Variants in CCL25 observed in about 807,000 individuals in gnomAD.
CCL25 encodes C-C motif chemokine ligand 25, also known as C-C motif chemokine 25.
A neutral mutation model predicts 19.9 loss-of-function variants in CCL25; 14 were observed. The ratio of observed to expected loss-of-function variants is 0.70; its 90% CI spans 0.47 to 1.10. CCL25 has a LOEUF of 1.10. Ranked by LOEUF, CCL25 falls within the 50% of genes least tolerant of loss-of-function variation. The probability of loss-of-function intolerance (pLI) is 0.00; values close to 1 mark genes in which losing one functional copy is unlikely to be tolerated. For synonymous variants in CCL25, 68 were observed against 73.2 expected, an observed-to-expected ratio of 0.93 and a Z score of 0.36; for missense variants, 151 against 181.2, an observed-to-expected ratio of 0.83 and a Z score of 0.96.
intron 2 of CCL25, among the ~76,000 whole-genome samples, 170 bp downstream of exon 2, chr19:8,053,292 C>G (rs529226705): frequency 2.0e-5 from 3 of 152,156 alleles, no homozygotes; most frequent in African/African-American, 7.2e-5. Context: ...GGGATGGGGT[C>G]GGGGAGATGG....
At position 8,056,242 on chromosome 19, in the gene CCL25, G is replaced by A. The variant is rs964620658; in HGVS notation, c.164G>A (p.Ser55Asn). The change falls in exon 3 of 6, where the codon AGC becomes AAC. Residue 55 changes from serine (S) to asparagine (N), a missense_variant. Transcript: ENST00000315626. ...RAWTYRIQEVSGSCNLPAAIF... is the reference protein window; with the variant it reads ...RAWTYRIQEVNGSCNLPAAIF... ...TGGACTTACCGGATCCAGGAGGTGA[G>A]CGGGAGCTGCAATCTGCCTGCTGCG... 1 of 1,591,064 alleles carries A rather than the reference G, an allele frequency of 6.3e-7. No homozygotes were observed. The highest frequency in any genetic ancestry group is 8.6e-7 in the Non-Finnish European group (1 of 1,167,160).
In CCL25 at chr19:8,056,225, C is replaced by G. The variant is rs1473328396; in HGVS notation, c.147C>G (p.Tyr49Ter). Reference sequence around the variant, plus strand: ...CTGTGCTCCGGCGCGCCTGGACTTACCGGATCCAGGAGGTGAGCGGGAGCT... The same window carrying G: ...CTGTGCTCCGGCGCGCCTGGACTTAGCGGATCCAGGAGGTGAGCGGGAGCT... ...GWAVLRRAWTYRIQEVSGSCN... is the reference protein window; with the variant it reads ...GWAVLRRAWT The change falls in exon 3 of 6, where the codon TAC (tyrosine) becomes TAG (stop). Residue 49 changes from tyrosine (Y) to a stop codon, truncating the protein, a stop_gained. Transcript: ENST00000315626. LOFTEE classifies it high-confidence loss of function. 1.3e-6 allele frequency: 2 copies of G among 1,580,078 alleles called. No homozygotes were observed. Among genetic ancestry groups the G allele is most frequent in the Middle Eastern group, 1.7e-4 (1 of 5,880 alleles).
rs1369616943 is a variant in CCL25, at chr19:8,062,255, A to C, written c.*30A>C. On this transcript the variant is annotated 3_prime_UTR_variant, in exon 6 of 6. Transcript: ENST00000315626. ...GCTCATTTCTGGGCTCCATCGGCAC[A>C]GGAGGGGCCGGATCTTTCTCCGATA... 1 of 1,612,206 alleles carries C rather than the reference A, an allele frequency of 6.2e-7. No homozygotes were observed. Among genetic ancestry groups the C allele is most frequent in the Non-Finnish European group, 8.5e-7 (1 of 1,179,564 alleles).
chr19:8,057,492 G>C (rs1464767059), intron 4 of CCL25, among the ~76,000 whole-genome samples: 2 of 151,994 alleles, frequency 1.3e-5, no homozygotes, highest in Non-Finnish European at 2.9e-5. Context: ...ACCATGCCTG[G>C]GTAATTTTTT....
chr19:8,061,337 G>A (rs982562759), intron 5 of CCL25, among the ~76,000 whole-genome samples: 3 of 151,796 alleles, frequency 2.0e-5, no homozygotes, highest in Non-Finnish European at 2.9e-5. Context: ...AGTAGAGACG[G>A]CGTTTCACTA....
chr19:8,052,979 C>T (rs1387312085), intron 1 of CCL25, 21 bp from the exon 2 acceptor site: 2 of 1,085,694 alleles, frequency 1.8e-6, no homozygotes, highest in East Asian at 5.2e-5. Flanking sequence ...CAGTCCTTAC[C>T]ACTTCCCTCC....
intron 5 of CCL25, among the ~76,000 whole-genome samples, chr19:8,058,265 T>C (rs941585346): frequency 2.8e-5 from 4 of 141,510 alleles, no homozygotes; most frequent in Middle Eastern, 3.6e-3. Context: ...TATATATACA[T>C]ATAAAATATA....
At chr19:8,053,423 G>A (rs2081246924) in intron 2 of CCL25, among the ~76,000 whole-genome samples, 1 of 152,060 alleles carries the variant, frequency 6.6e-6, no homozygotes, top group Non-Finnish European at 1.5e-5. Flanking sequence ...GGGATGTATT[G>A]TAGAATCCTA....
intron 2 of CCL25, among the ~76,000 whole-genome samples, chr19:8,054,611 C>T (rs1280095118): frequency 6.6e-6 from 1 of 152,098 alleles, no homozygotes; most frequent in African/African-American, 2.4e-5. Flanking sequence ...AGCTCATCCT[C>T]GGCTCATTCA....
rs974806633 is a variant in CCL25 at position 8,062,372 on chromosome 19, C to A, written c.*147C>A. ...CACCTGAGTTGGTCCTCCCTCTGCA[C>A]CCCCACCACCTCCTGCCCGTCTGGC... is the stretch of plus-strand genomic sequence containing the variant. On this transcript the variant is annotated 3_prime_UTR_variant, in exon 6 of 6. Transcript: ENST00000315626. 33 of 777,110 alleles carry A rather than the reference C, an allele frequency of 4.2e-5. No homozygotes were observed. Among genetic ancestry groups the A allele is most frequent in the Non-Finnish European group, 5.8e-5 (27 of 463,500 alleles). 48.1% of individuals were successfully genotyped at this position (777,110 alleles called of 1,614,324 possible). A position where few individuals can be genotyped will look rare whatever the true frequency, so the allele number is the denominator to read the frequency against.
rs1229343970 is a variant in CCL25 at position 8,062,444 on chromosome 19, G to A, written c.*219G>A. 11 of 570,576 alleles carry A rather than the reference G, an allele frequency of 1.9e-5. No homozygotes were observed. The highest frequency in any genetic ancestry group is 8.7e-5 in the East Asian group (3 of 34,528). 35.3% of individuals were successfully genotyped at this position (570,576 alleles called of 1,614,324 possible). A position where few individuals can be genotyped will look rare whatever the true frequency, so the allele number is the denominator to read the frequency against. ...CTGATTTTAAGCCTTTTGCCGCTCC[G>A]GGGACCAGCAGCAATCCTGGGCAGC... On this transcript the variant is annotated 3_prime_UTR_variant, in exon 6 of 6. Coordinates refer to ENST00000315626, the MANE Select transcript of CCL25 (RefSeq NM_005624.4).
At chr19:8,053,976 C>T (rs1358406350) in intron 2 of CCL25, among the ~76,000 whole-genome samples, 2 of 152,180 alleles carry the variant, frequency 1.3e-5, no homozygotes, top group Admixed American at 1.3e-4. Context: ...TGTCTGGCGG[C>T]GGCAATAGTA....
chr19:8,062,072 A>G, intron 5 of CCL25, 146 bp from the exon 6 acceptor site: 2 of 516,764 alleles, frequency 3.9e-6, no homozygotes, highest in Non-Finnish European at 6.8e-6. Context: ...AAAAAAAGTT[A>G]GCATAAAAGA....
chr19:8,059,175 T>A (rs1321034816), intron 5 of CCL25, among the ~76,000 whole-genome samples: 1 of 117,064 alleles, frequency 8.5e-6, no homozygotes, highest in Admixed American at 1.2e-4. Flanking sequence ...ATAATATATA[T>A]AATATATAAA....
chr19:8,057,989 G>A, intron 5 of CCL25, 69 bp downstream of exon 5: 1 of 1,563,004 alleles, frequency 6.4e-7, no homozygotes, highest in East Asian at 2.3e-5. Context: ...GCTCGTGATT[G>A]GCTCACACTG....
intron 2 of CCL25, among the ~76,000 whole-genome samples, chr19:8,053,926 A>G (rs2081250650): frequency 6.6e-6 from 1 of 152,096 alleles, no homozygotes; most frequent in South Asian, 2.1e-4. Context: ...CTCTGACTTG[A>G]GGGTCCAGTG....
chr19:8,058,548 CATATA>C (rs1599232386), intron 5 of CCL25, among the ~76,000 whole-genome samples: 2 of 96,062 alleles, frequency 2.1e-5, no homozygotes, highest in East Asian at 2.4e-4. Flanking sequence ...TATATAAATA[CATATA>C]ATATATAAAA....
chr19:8,055,370 C>G (rs1458721817), intron 2 of CCL25, among the ~76,000 whole-genome samples: 1 of 146,626 alleles, frequency 6.8e-6, no homozygotes, highest in African/African-American at 2.5e-5. Flanking sequence ...GTGTCTCACT[C>G]TGTCGCCCAG....
At chr19:8,059,223 G>A (rs2081301920) in intron 5 of CCL25, among the ~76,000 whole-genome samples, 1 of 135,718 alleles carries the variant, frequency 7.4e-6, no homozygotes, top group Admixed American at 8.4e-5. Flanking sequence ...TTTTATGGCA[G>A]GGTCTCACTC....
Sources: allele counts gnomAD v4.1 joint callset (sites outside exome capture counted in the v4.1 genomes callset), GRCh38; gene constraint gnomAD v4.1.1; transcripts MANE v1.5; gene names NCBI Gene and HGNC (gene_info 2026-07-23, HGNC 2026-07-21).